BATF: variants seen among roughly 807,000 people sequenced by gnomAD.
BATF encodes the protein basic leucine zipper transcriptional factor ATF-like.
BATF carries 5 observed loss-of-function variants against 13.7 expected under a neutral mutation model. The observed-to-expected ratio is 0.36, with a 90% CI of 0.19 to 0.77. The LOEUF is 0.77. Ranked by LOEUF, BATF falls within the 30% of genes least tolerant of loss-of-function variation. BATF has a pLI of 0.51. For synonymous variants in BATF, 72 were observed against 67.5 expected, an observed-to-expected ratio of 1.07 and a Z score of -0.33; for missense variants, 124 against 163.0, an observed-to-expected ratio of 0.76 and a Z score of 1.30.
At chr14:75,522,778 T>C (rs758982805) in intron 1 of BATF, 33 bp downstream of exon 1, 2 of 1,612,984 alleles carry the variant, frequency 1.2e-6, no homozygotes, top group Admixed American at 1.7e-5. Context: ...TCCTACCTTC[T>C]GATTCTCCTG....
At chr14:75,534,516 T>C (rs2284790) in intron 2 of BATF, among the ~76,000 whole-genome samples, 80,474 of 151,914 alleles carry the variant, frequency 0.53, 21,475 homozygotes, top group South Asian at 0.65. Flanking sequence ...ACCAAAAATA[T>C]TTCCAGAACT....
rs773207576 is a variant in BATF at position 75,546,580 on chromosome 14, T to C, written c.287T>C (p.Leu96Pro). The change falls in exon 3 of 3, where the codon CTG becomes CCG. Residue 96 changes from leucine (L) to proline (P), a missense_variant. Transcript: ENST00000286639. Reference protein sequence around the residue: ...LNSHEPLCSVLAASTPSPPEV... With the variant: ...LNSHEPLCSVPAASTPSPPEV... The stretch of plus-strand genomic sequence containing the variant: ...AGCCACGAGCCCCTGTGCTCGGTGC[T>C]GGCCGCCAGCACGCCCTCGCCCCCC... The C allele has an allele frequency of 6.2e-6, 10 of 1,614,120 alleles. No individual in the cohort carries two copies. Among genetic ancestry groups the C allele is most frequent in the Non-Finnish European group, 8.5e-6 (10 of 1,179,976 alleles).
intron 2 of BATF, among the ~76,000 whole-genome samples, chr14:75,539,272 G>A (rs1242807729): frequency 6.6e-6 from 1 of 152,156 alleles, no homozygotes; most frequent in African/African-American, 2.4e-5. Flanking sequence ...AAGGAAGGAA[G>A]CCTTTGTCCT....
Position 75,546,814 on chromosome 14 carries a change from TG to T in BATF, c.*145del. ...GAGTGAACACGGGAACTGTCACGACTGGAAGGGCGTGAGGCCTCCCAGCAGT... is the reference window on the plus strand; with the variant it reads ...GAGTGAACACGGGAACTGTCACGACTGAAGGGCGTGAGGCCTCCCAGCAGT... On this transcript the variant is annotated 3_prime_UTR_variant, in exon 3 of 3. Coordinates refer to ENST00000286639, the MANE Select transcript of BATF (RefSeq NM_006399.5). 8.7e-7 allele frequency: 1 copy of T among 1,154,664 alleles called. No homozygotes were observed. The highest frequency in any genetic ancestry group is 1.5e-5 in the African/African-American group (1 of 65,108). The allele number at this position is 1,154,664 out of a possible 1,614,324, so 71.5% of individuals were successfully genotyped here. A position where few individuals can be genotyped will look rare whatever the true frequency, so the allele number is the denominator to read the frequency against.
At position 75,522,591 on chromosome 14, in the gene BATF, G is replaced by T; in HGVS notation, c.-92G>T. On this transcript the variant is annotated 5_prime_UTR_variant, in exon 1 of 3. Coordinates refer to ENST00000286639, the MANE Select transcript of BATF (RefSeq NM_006399.5). Reference sequence around the variant, plus strand: ...CACCTGTAGGGGGTGGTGGGCTGGTGGCCCAGGAGAAGTCAGGAAGGGAGC... The same window carrying T: ...CACCTGTAGGGGGTGGTGGGCTGGTTGCCCAGGAGAAGTCAGGAAGGGAGC... 6.8e-7 allele frequency: 1 copy of T among 1,465,984 alleles called. No individual in the cohort carries two copies. The allele number at this position is 1,465,984 out of a possible 1,614,324, so 90.8% of individuals were successfully genotyped here. A position where few individuals can be genotyped will look rare whatever the true frequency, so the allele number is the denominator to read the frequency against.
chr14:75,525,229 C>T (rs780866853), intron 2 of BATF, 41 bp downstream of exon 2: 43 of 1,577,672 alleles, frequency 2.7e-5, no homozygotes, highest in Admixed American at 1.0e-4. Flanking sequence ...GAGCTTTAGG[C>T]TTTGCCCTCC....
chr14:75,546,405 A>G (rs563339759), intron 2 of BATF, 57 bp from the exon 3 acceptor site: 1 of 1,584,726 alleles, frequency 6.3e-7, no homozygotes, highest in Admixed American at 1.7e-5. Flanking sequence ...TCCGCACCCC[A>G]CCCACCTTGC....
At chr14:75,526,324 T>G (rs894736630) in intron 2 of BATF, among the ~76,000 whole-genome samples, 2 of 152,214 alleles carry the variant, frequency 1.3e-5, no homozygotes, top group Non-Finnish European at 2.9e-5. Context: ...CCCTAGCAAC[T>G]CTACCTTCCT....
intron 2 of BATF, among the ~76,000 whole-genome samples, chr14:75,527,981 T>A (rs979618703): frequency 1.2e-4 from 19 of 152,244 alleles, no homozygotes; most frequent in Admixed American, 1.2e-3. Context: ...AAATTAGCTG[T>A]GGTTTGACAT....
chr14:75,529,532 G>T (rs1262382466), intron 2 of BATF, among the ~76,000 whole-genome samples: 2 of 152,132 alleles, frequency 1.3e-5, no homozygotes, highest in Non-Finnish European at 2.9e-5. Context: ...ATCTTGGAAT[G>T]AGGAATTATT....
intron 2 of BATF, among the ~76,000 whole-genome samples, chr14:75,535,606 T>A (rs1358832591): frequency 2.0e-5 from 3 of 152,068 alleles, no homozygotes; most frequent in Admixed American, 2.0e-4. Flanking sequence ...AAAGAGACAA[T>A]ATTACTGAGC....
chr14:75,537,362 CTCATGGACA>C (rs1224079956), intron 2 of BATF, among the ~76,000 whole-genome samples: 1 of 152,166 alleles, frequency 6.6e-6, no homozygotes, highest in Non-Finnish European at 1.5e-5. Context: ...TCTAGGAATT[CTCATGGACA>C]TCACAGATTT....
chr14:75,542,265 G>A (rs1042971617), intron 2 of BATF, among the ~76,000 whole-genome samples: 14 of 152,200 alleles, frequency 9.2e-5, no homozygotes, highest in Non-Finnish European at 1.2e-4. Flanking sequence ...AATAACAGCT[G>A]ACCTTCCCTA....
At chr14:75,531,523 T>C (rs1887733503) in intron 2 of BATF, among the ~76,000 whole-genome samples, 1 of 152,146 alleles carries the variant, frequency 6.6e-6, no homozygotes, top group East Asian at 1.9e-4. Flanking sequence ...GTTTGAAAGC[T>C]TGAGATTTAG....
At chr14:75,522,859 A>T in intron 1 of BATF, 114 bp downstream of exon 1, 1 of 1,277,650 alleles carries the variant, frequency 7.8e-7, no homozygotes, top group South Asian at 1.2e-5. Flanking sequence ...GGCTCGTTGC[A>T]CGGGCACTCT....
At chr14:75,541,089 A>T (rs973975308) in intron 2 of BATF, among the ~76,000 whole-genome samples, 1 of 152,228 alleles carries the variant, frequency 6.6e-6, no homozygotes, top group South Asian at 2.1e-4. Flanking sequence ...ACTCTGTCTC[A>T]AAAATTAAAT....
chr14:75,540,694 T>C (rs1887883405), intron 2 of BATF, among the ~76,000 whole-genome samples: 1 of 152,226 alleles, frequency 6.6e-6, no homozygotes, highest in African/African-American at 2.4e-5. Context: ...AAAACGGAGA[T>C]AATATTTTCT....
intron 1 of BATF, among the ~76,000 whole-genome samples, chr14:75,523,048 A>C (rs925781296): frequency 1.3e-5 from 2 of 152,190 alleles, no homozygotes; most frequent in African/African-American, 4.8e-5. Flanking sequence ...GAGGATGAAC[A>C]TCAAAGAATG....
Position 75,546,918 on chromosome 14 carries a change from G to C in BATF, c.*247G>C, listed in dbSNP as rs936488198. On this transcript the variant is annotated 3_prime_UTR_variant, in exon 3 of 3. Coordinates refer to ENST00000286639, the MANE Select transcript of BATF (RefSeq NM_006399.5). ...CCCAATGCAGAAGAGTATTAAGAAA[G>C]ATGCTCAAGTCCCATGGCACAGAGC... 1.7e-5 allele frequency: 12 copies of C among 706,996 alleles called. No individual in the cohort carries two copies. The African/African-American group carries it at 2.1e-4, about 12-fold the overall frequency. The allele number at this position is 706,996 out of a possible 1,614,324, so 43.8% of individuals were successfully genotyped here. A position where few individuals can be genotyped will look rare whatever the true frequency, so the allele number is the denominator to read the frequency against.
Sources: gnomAD v4.1 joint callset for allele counts (sites outside exome capture counted in the v4.1 genomes callset) on GRCh38, gnomAD v4.1.1 for gene constraint, MANE v1.5 for transcripts, NCBI Gene and HGNC (gene_info 2026-07-23, HGNC 2026-07-21) for gene names.